The following DRC8 variants were observed in gnomAD, a reference collection of about 807,000 sequenced individuals.
DRC8 encodes the protein dynein regulatory complex protein 8.
chr1:244,969,997 A>G, the DRC8 span: 1 of 538,310 alleles, frequency 1.9e-6, no homozygotes, highest in Non-Finnish European at 3.3e-6. Context: ...TAACAACAAA[A>G]ATCGAGCAAC....
chr1:245,038,405 G>C, the DRC8 span, among the ~76,000 whole-genome samples: 5 of 152,226 alleles, frequency 3.3e-5, no homozygotes, highest in African/African-American at 1.2e-4. Context: ...GGGAGGCGGA[G>C]CTTGCAGTGA....
At chr1:245,060,266 T>C in the DRC8 span, among the ~76,000 whole-genome samples, 2 of 152,232 alleles carry the variant, frequency 1.3e-5, no homozygotes. Flanking sequence ...ACTTAACCCC[T>C]GTTGAGTGTC....
the DRC8 span, among the ~76,000 whole-genome samples, chr1:244,991,374 T>C: frequency 6.6e-6 from 1 of 151,822 alleles, no homozygotes; most frequent in Non-Finnish European, 1.5e-5. Context: ...TTGTTTAGGG[T>C]TTTTGTGGGG....
the DRC8 span, among the ~76,000 whole-genome samples, chr1:245,008,939 T>G: frequency 1.3e-5 from 2 of 151,454 alleles, no homozygotes; most frequent in Non-Finnish European, 2.9e-5. Flanking sequence ...GCCCCCAGCC[T>G]GGCCTCTCAA....
chr1:245,105,520 C>G, the DRC8 span, among the ~76,000 whole-genome samples: 1 of 148,044 alleles, frequency 6.8e-6, no homozygotes, highest in Non-Finnish European at 1.5e-5. Context: ...TCAGGGGGCT[C>G]AGGGCTCAGG....
the DRC8 span, among the ~76,000 whole-genome samples, chr1:244,990,085 C>T: frequency 1.6e-4 from 24 of 152,292 alleles, 1 homozygote; most frequent in South Asian, 4.4e-3. Context: ...CGGGATGACC[C>T]GGGATCTCCC....
the DRC8 span, among the ~76,000 whole-genome samples, chr1:245,094,468 C>T: frequency 1.3e-5 from 2 of 152,270 alleles, no homozygotes; most frequent in South Asian, 2.1e-4. Context: ...AATGAGTACA[C>T]GAGCGAAGGC....
the DRC8 span, among the ~76,000 whole-genome samples, chr1:245,070,928 C>T: frequency 2.0e-5 from 3 of 152,206 alleles, no homozygotes; most frequent in African/African-American, 7.2e-5. Context: ...CCTTGCATCC[C>T]TCTGCCATGT....
chr1:245,124,114 T>C, the DRC8 span: 1 of 193,616 alleles, frequency 5.2e-6, no homozygotes, highest in Non-Finnish European at 1.1e-5. Context: ...ATGGCTGCAG[T>C]TGGAGATTCC....
the DRC8 span, among the ~76,000 whole-genome samples, chr1:245,071,626 ATGG>A: frequency 1.3e-5 from 2 of 152,212 alleles, no homozygotes; most frequent in East Asian, 3.8e-4. Context: ...GCAGTAGAAA[ATGG>A]TGGTATTCAT....
the DRC8 span, among the ~76,000 whole-genome samples, chr1:244,982,278 C>T: frequency 3.9e-5 from 6 of 152,170 alleles, no homozygotes; most frequent in East Asian, 1.9e-4. Flanking sequence ...AAAAACAGCC[C>T]GAAGAGACAA....
At chr1:244,991,508 G>A in the DRC8 span, among the ~76,000 whole-genome samples, 1 of 152,010 alleles carries the variant, frequency 6.6e-6, no homozygotes, top group African/African-American at 2.4e-5. Flanking sequence ...CAGAATTTTT[G>A]GCAGATAATT....
At chr1:245,114,829 G>A in the DRC8 span, among the ~76,000 whole-genome samples, 16 of 152,240 alleles carry the variant, frequency 1.1e-4, no homozygotes, top group African/African-American at 2.4e-4. Context: ...GGGTTTAAGC[G>A]ATTCTCTTGC....
At chr1:245,042,222 T>G in the DRC8 span, among the ~76,000 whole-genome samples, 1 of 152,234 alleles carries the variant, frequency 6.6e-6, no homozygotes, top group African/African-American at 2.4e-5. Context: ...TGTTTCTCAG[T>G]CACTCTGTAA....
chr1:245,076,675 TC>T, the DRC8 span, among the ~76,000 whole-genome samples: 1 of 152,152 alleles, frequency 6.6e-6, no homozygotes, highest in African/African-American at 2.4e-5. Context: ...AGAAAATAGG[TC>T]CCAATTGCAC....
At chr1:245,112,167 C>T in the DRC8 span, among the ~76,000 whole-genome samples, 5 of 152,222 alleles carry the variant, frequency 3.3e-5, no homozygotes, top group South Asian at 2.1e-4. Flanking sequence ...CTCCGCCTCC[C>T]GGGTTCAAGC....
chr1:245,039,300 C>CAAAAAAAAAA, the DRC8 span, among the ~76,000 whole-genome samples: 2 of 27,474 alleles, frequency 7.3e-5, no homozygotes, highest in African/African-American at 1.6e-4. Context: ...CTTGTCTCTA[C>CAAAAAAAAAA]AAAAAAAAAA....
chr1:245,036,806 C>T, the DRC8 span, among the ~76,000 whole-genome samples: 27 of 152,202 alleles, frequency 1.8e-4, no homozygotes, highest in African/African-American at 5.8e-4. Flanking sequence ...ACACACAGAT[C>T]AGTGGTTGTG....
the DRC8 span, chr1:244,970,453 G>C: frequency 6.6e-7 from 1 of 1,525,728 alleles, no homozygotes; most frequent in South Asian, 1.2e-5. Flanking sequence ...GGTAAGGTAG[G>C]GGAGCCGGGG....
Sources: gnomAD v4.1 joint callset for allele counts (sites outside exome capture counted in the v4.1 genomes callset) on GRCh38, gnomAD v4.1.1 for gene constraint, MANE v1.5 for transcripts, NCBI Gene and HGNC (gene_info 2026-07-23, HGNC 2026-07-21) for gene names.